TBC1D30: variants seen among roughly 807,000 people sequenced by gnomAD.
TBC1D30 encodes TBC1 domain family member 30.
TBC1D30 carries 31 observed loss-of-function variants against 63.2 expected under a neutral mutation model. The observed-to-expected ratio is 0.49, with a 90% CI of 0.37 to 0.66. The LOEUF is 0.66. Ranked by LOEUF, TBC1D30 falls within the 30% of genes least tolerant of loss-of-function variation. The pLI is 0.00. For missense variants in TBC1D30, 810 were observed against 953.6 expected (o/e 0.85, Z 1.98); for synonymous variants, 307 against 361.5 (o/e 0.85, Z 1.71).
At chr12:64,805,157 T>C (rs1872790579) in intron 2 of TBC1D30, among the ~76,000 whole-genome samples, 1 of 152,092 alleles carries the variant, frequency 6.6e-6, no homozygotes, top group Non-Finnish European at 1.5e-5. Flanking sequence ...GCTGAGATCA[T>C]GCCATTGCAC....
chr12:64,765,490 C>CAAAAAA (rs60489979), intron 1 of TBC1D30, among the ~76,000 whole-genome samples: 390 of 17,588 alleles, frequency 0.022, 89 homozygotes, highest in Non-Finnish European at 0.032. Flanking sequence ...AGACTGTCTC[C>CAAAAAA]AAAAAAAAAA....
At chr12:64,815,937 C>T (rs2136336558) in intron 2 of TBC1D30, among the ~76,000 whole-genome samples, 1 of 151,924 alleles carries the variant, frequency 6.6e-6, no homozygotes, top group South Asian at 2.1e-4. Flanking sequence ...CCATGCCTGG[C>T]CAAATTTTTT....
At chr12:64,765,942 G>T (rs982993990) in intron 1 of TBC1D30, among the ~76,000 whole-genome samples, 1 of 152,060 alleles carries the variant, frequency 6.6e-6, no homozygotes, top group South Asian at 2.1e-4. Context: ...AGCCGGGGAG[G>T]TCCAGGCTGC....
chr12:64,767,213 GATAGAAAAAA>G (rs1037389413), intron 1 of TBC1D30, among the ~76,000 whole-genome samples: 1 of 151,270 alleles, frequency 6.6e-6, no homozygotes, highest in African/African-American at 2.4e-5. Context: ...ATGAAACGAG[GATAGAAAAAA>G]ATAGAGAAAA....
chr12:64,840,028 A>AAAAT (rs1875732144), intron 7 of TBC1D30, among the ~76,000 whole-genome samples: 1 of 141,826 alleles, frequency 7.1e-6, no homozygotes, highest in African/African-American at 2.6e-5. Context: ...AAAAAAAAAA[A>AAAAT]TCCACCAACT....
chr12:64,839,765 G>A (rs1875684352), intron 7 of TBC1D30, among the ~76,000 whole-genome samples: 1 of 152,080 alleles, frequency 6.6e-6, no homozygotes, highest in Non-Finnish European at 1.5e-5. Context: ...CCAGCACTTT[G>A]GGAGGCTGAG....
chr12:64,803,324 G>A (rs528306185), intron 2 of TBC1D30, among the ~76,000 whole-genome samples: 3 of 152,226 alleles, frequency 2.0e-5, no homozygotes, highest in East Asian at 1.9e-4. Context: ...CATATCCTTT[G>A]CCCACTTTTT....
At chr12:64,861,523 T>C (rs1346645847) in intron 8 of TBC1D30, among the ~76,000 whole-genome samples, 1 of 152,226 alleles carries the variant, frequency 6.6e-6, no homozygotes, top group Non-Finnish European at 1.5e-5. Flanking sequence ...AGTCTTTCCC[T>C]TTTCTTTCTG....
At position 64,836,645 on chromosome 12, in the gene TBC1D30, CAAAG is replaced by C; in HGVS notation, c.755_758del (p.Glu252ValfsTer19). ...TGGATACTCTTCAGAGAACTGCAAA[CAAAG>C]AAAGTGGAGGTAGGTTTCAATGCTA... On this transcript the variant is annotated frameshift_variant, in exon 6 of 12. Coordinates refer to ENST00000539867, the MANE Select transcript of TBC1D30 (RefSeq NM_015279.2). LOFTEE classifies it high-confidence loss of function. The C allele has an allele frequency of 6.5e-7, 1 of 1,533,898 alleles. No homozygotes were observed. Among genetic ancestry groups the C allele is most frequent in the Non-Finnish European group, 8.7e-7 (1 of 1,145,392 alleles).
intron 1 of TBC1D30, among the ~76,000 whole-genome samples, chr12:64,771,756 A>G (rs977234936): frequency 6.6e-6 from 1 of 152,214 alleles, no homozygotes; most frequent in African/African-American, 2.4e-5. Context: ...AAAAACAACA[A>G]CATAGTAACA....
intron 1 of TBC1D30, chr12:64,825,286 C>G (rs1339864327): frequency 4.5e-6 from 2 of 446,296 alleles, no homozygotes; most frequent in Non-Finnish European, 7.7e-6. Context: ...CCCGCGGACC[C>G]CCACCCTGCG....
intron 2 of TBC1D30, among the ~76,000 whole-genome samples, chr12:64,802,900 T>C (rs1011711124): frequency 5.3e-5 from 8 of 152,244 alleles, no homozygotes; most frequent in Non-Finnish European, 1.0e-4. Flanking sequence ...CTGTTATTGA[T>C]GGACATTTGG....
chr12:64,843,339 T>A, intron 7 of TBC1D30, 41 bp from the exon 8 acceptor site: 1 of 1,494,262 alleles, frequency 6.7e-7, no homozygotes, highest in Non-Finnish European at 9.0e-7. Flanking sequence ...ACAGCATGGA[T>A]GCCCTAAACA....
At chr12:64,861,465 T>A (rs1316757517) in intron 8 of TBC1D30, among the ~76,000 whole-genome samples, 1 of 152,182 alleles carries the variant, frequency 6.6e-6, no homozygotes, top group African/African-American at 2.4e-5. Context: ...GGGCTGAATG[T>A]AAGGTCTTTA....
chr12:64,853,883 C>T (rs1877082534), intron 8 of TBC1D30, among the ~76,000 whole-genome samples: 1 of 152,188 alleles, frequency 6.6e-6, no homozygotes, highest in South Asian at 2.1e-4. Context: ...CAGAAATCAC[C>T]CACCTTCCGC....
intron 2 of TBC1D30, among the ~76,000 whole-genome samples, chr12:64,808,227 T>G (rs1229998300): frequency 1.3e-5 from 2 of 152,162 alleles, no homozygotes; most frequent in African/African-American, 2.4e-5. Context: ...CTGGTACTCT[T>G]TTCTGCACCA....
rs1453764864 is a variant in TBC1D30, at chr12:64,864,653, G to T, written c.1039-15G>T. ...CTACTGTTTCAGACTTGGCATTTTTGCTTTTGTTTTACAGACTGTTTATTC... is the reference window on the plus strand; with the variant it reads ...CTACTGTTTCAGACTTGGCATTTTTTCTTTTGTTTTACAGACTGTTTATTC... On this transcript the variant is annotated splice_polypyrimidine_tract_variant and intron_variant, in intron 8 of 11. Transcript: ENST00000539867. 1.3e-6 allele frequency: 2 copies of T among 1,518,190 alleles called. No homozygotes were observed. The highest frequency in any genetic ancestry group is 2.0e-5 in the Admixed American group (1 of 50,674). 94.0% of individuals were successfully genotyped at this position (1,518,190 alleles called of 1,614,324 possible).
chr12:64,772,898 T>C (rs1870957229), intron 1 of TBC1D30, among the ~76,000 whole-genome samples: 1 of 152,202 alleles, frequency 6.6e-6, no homozygotes. Context: ...CTTTCTACTA[T>C]TGCAAAGGAA....
chr12:64,878,689 C>CCCTTCTT lies in TBC1D30; in HGVS notation c.*2914_*2920dup, dbSNP rs998810299. 1 of 379,530 alleles carries CCCTTCTT rather than the reference C, an allele frequency of 2.6e-6. No homozygotes were observed. Among genetic ancestry groups the CCCTTCTT allele is most frequent in the Non-Finnish European group, 5.3e-6 (1 of 189,342 alleles). 23.5% of individuals were successfully genotyped at this position (379,530 alleles called of 1,614,324 possible). On this transcript the variant is annotated 3_prime_UTR_variant, in exon 12 of 12. Transcript: ENST00000539867. Reference sequence around the variant, plus strand: ...GAACACTGTTGTGACAGTCCCTTCTCCCTTCTTCCTTCTTCCTTCACCCCC... The same window carrying CCCTTCTT: ...GAACACTGTTGTGACAGTCCCTTCTCCCTTCTTCCTTCTTCCTTCTTCCTTCACCCCC...
Sources: gnomAD v4.1 joint callset for allele counts (sites outside exome capture counted in the v4.1 genomes callset) on GRCh38, gnomAD v4.1.1 for gene constraint, MANE v1.5 for transcripts, NCBI Gene and HGNC (gene_info 2026-07-23, HGNC 2026-07-21) for gene names.